Variants in EIF2AK3 observed in about 807,000 individuals in gnomAD.
The protein encoded by EIF2AK3 is eukaryotic translation initiation factor 2 alpha kinase 3, also known as eukaryotic translation initiation factor 2-alpha kinase 3.
In EIF2AK3, 50 loss-of-function variants were observed where a neutral mutation model predicts 113.5. That is an observed-to-expected ratio of 0.44 (90% CI 0.35 to 0.56). EIF2AK3 has a LOEUF of 0.56. Among genes scored for constraint, EIF2AK3 ranks in the 20% least tolerant of loss-of-function variants. The pLI is 0.00. For missense variants in EIF2AK3, 1,185 were observed against 1,378.0 expected, an observed-to-expected ratio of 0.86 and a Z score of 2.22; for synonymous variants, 448 against 495.4, an observed-to-expected ratio of 0.90 and a Z score of 1.27.
chr2:88,605,972 G>C (rs1447610926), intron 2 of EIF2AK3, among the ~76,000 whole-genome samples: 1 of 152,104 alleles, frequency 6.6e-6, no homozygotes, highest in Non-Finnish European at 1.5e-5. Context: ...GCAGATCCGG[G>C]TATTAGTCAG....
At chr2:88,581,143 A>G (rs1056175198) in intron 10 of EIF2AK3, among the ~76,000 whole-genome samples, 22 of 151,640 alleles carry the variant, frequency 1.5e-4, no homozygotes, top group African/African-American at 5.1e-4. Context: ...TGCAGAGTTC[A>G]TGTTCTTAAC....
At position 88,604,389 on chromosome 2, in the gene EIF2AK3, A is replaced by T. The variant is rs149593524; in HGVS notation, c.439-8726T>A. ...GATAGGCTATTTCCTCTCCCAGCAT[A>T]ATCCTCCCCCTCCTCTCTATCCATC... On this transcript the variant is annotated intron_variant, in intron 2 of 16. Coordinates refer to ENST00000303236, the MANE Select transcript of EIF2AK3 (RefSeq NM_004836.7). Among the ~76,000 whole-genome samples, 63 of 152,156 alleles carry T rather than the reference A, an allele frequency of 4.1e-4. No individual in the cohort carries two copies. The East Asian group carries it at 0.011, about 26-fold the overall frequency.
intron 15 of EIF2AK3, among the ~76,000 whole-genome samples, chr2:88,560,976 T>C (rs1193754179): frequency 6.6e-6 from 1 of 152,198 alleles, no homozygotes; most frequent in East Asian, 1.9e-4. Context: ...TAGCTACTTA[T>C]GAAAGATAGG....
intron 2 of EIF2AK3, among the ~76,000 whole-genome samples, chr2:88,596,417 GACAA>G (rs1486793193): frequency 1.3e-4 from 20 of 152,206 alleles, no homozygotes; most frequent in African/African-American, 4.6e-4. Flanking sequence ...GGTGTCACGA[GACAA>G]ACAACTTAAT....
chr2:88,587,961 A>C, intron 8 of EIF2AK3, 21 bp downstream of exon 8: 2 of 1,494,354 alleles, frequency 1.3e-6, no homozygotes, highest in Non-Finnish European at 1.8e-6. Context: ...AAAATAAATA[A>C]AACTCAGTAT....
chr2:88,572,044 C>A (rs1573390703), intron 13 of EIF2AK3, among the ~76,000 whole-genome samples: 1 of 152,290 alleles, frequency 6.6e-6, no homozygotes, highest in East Asian at 1.9e-4. Flanking sequence ...AATTGAATTT[C>A]ATCATGTTTC....
At position 88,593,034 on chromosome 2, in the gene EIF2AK3, C is replaced by T. The variant is rs189800881; in HGVS notation, c.767+238G>A. Reference sequence around the variant, plus strand: ...GCACGTGCCTGTAATCCCCGGTACTCGGGAGGCAGAGGCAGGAGATTCGCT... The same window carrying T: ...GCACGTGCCTGTAATCCCCGGTACTTGGGAGGCAGAGGCAGGAGATTCGCT... On this transcript the variant is annotated intron_variant, in intron 4 of 16. Transcript: ENST00000303236. Among the ~76,000 whole-genome samples, 994 of 152,086 alleles carry T rather than the reference C, an allele frequency of 6.5e-3. 16 individuals carry two copies. The highest frequency in any genetic ancestry group is 0.022 in the African/African-American group (931 of 41,444).
Position 88,592,369 on chromosome 2 carries a change from ATAAT to A in EIF2AK3, c.767+899_767+902del, listed in dbSNP as rs538661269. On this transcript the variant is annotated intron_variant, in intron 4 of 16. Coordinates refer to ENST00000303236, the MANE Select transcript of EIF2AK3 (RefSeq NM_004836.7). ...CAAACTATGAAACTACCTACTAGAC[ATAAT>A]TAGAGAGTCAAATAAGTTCAAGCTC... Among the ~76,000 whole-genome samples the A allele has an allele frequency of 7.9e-5, 12 of 151,966 alleles. No homozygotes were observed. In the South Asian group the frequency reaches 1.3e-3, roughly 17 times the overall value.
In EIF2AK3 at chr2:88,595,529, A is replaced by G; in HGVS notation, c.573T>C (p.Asp191=). 1 of 1,614,010 alleles carries G rather than the reference A, an allele frequency of 6.2e-7. No individual in the cohort carries two copies. The highest frequency in any genetic ancestry group is 8.5e-7 in the Non-Finnish European group (1 of 1,179,980). ...GAGATTTTCCTCCAACCAAAACAAC[A>G]TCATCTCCAAATTTATAAGAAGATT... ...LLESSYKFGD[D]VVLVGGKSLT... Residue 191 remains aspartate (D), a synonymous_variant, in exon 3 of 17, where the codon GAT becomes GAC. Transcript: ENST00000303236.
At chr2:88,622,052 A>G (rs1322646075) in intron 1 of EIF2AK3, among the ~76,000 whole-genome samples, 1 of 152,012 alleles carries the variant, frequency 6.6e-6, no homozygotes, top group Non-Finnish European at 1.5e-5. Context: ...GTGTGCCACC[A>G]TGCCTGGCTA....
intron 13 of EIF2AK3, 109 bp downstream of exon 13, chr2:88,574,557 G>A (rs2104409929): frequency 7.4e-7 from 1 of 1,344,244 alleles, no homozygotes; most frequent in Non-Finnish European, 1.0e-6. Flanking sequence ...GCTCTCAGAT[G>A]CTTTTACTCT....
At chr2:88,598,016 G>A (rs969128368) in intron 2 of EIF2AK3, among the ~76,000 whole-genome samples, 2 of 151,464 alleles carry the variant, frequency 1.3e-5, no homozygotes, top group African/African-American at 2.4e-5. Context: ...GTGTAGATGT[G>A]AGATGAGCCT....
chr2:88,574,817 T>A lies in EIF2AK3; in HGVS notation c.2666A>T (p.Gln889Leu). Residue 889 changes from glutamine (Q) to leucine (L), a missense_variant, in exon 13 of 17, where the codon CAG becomes CTG. By Grantham distance (113) the Gln-to-Leu change is moderately radical. Coordinates refer to ENST00000303236, the MANE Select transcript of EIF2AK3 (RefSeq NM_004836.7). ...TTTGAGGTTTTCTTTTCTGCACAGC[T>A]GCATTTGAATGTAAAGATACACCTT... is the stretch of plus-strand genomic sequence containing the variant. ...SPKVYLYIQMQLCRKENLKDW... is the reference protein window; with the variant it reads ...SPKVYLYIQMLLCRKENLKDW... 6.2e-7 allele frequency: 1 copy of A among 1,614,234 alleles called. No homozygotes were observed. The highest frequency in any genetic ancestry group is 8.5e-7 in the Non-Finnish European group (1 of 1,180,036).
At chr2:88,589,651 T>C (rs533345090) in intron 6 of EIF2AK3, among the ~76,000 whole-genome samples, 23 of 149,556 alleles carry the variant, frequency 1.5e-4, no homozygotes, top group Non-Finnish European at 2.8e-4. Flanking sequence ...TAAATAATTA[T>C]ATATGTAATA....
intron 15 of EIF2AK3, among the ~76,000 whole-genome samples, chr2:88,560,131 A>AT (rs565813406): frequency 1.2e-4 from 18 of 151,482 alleles, no homozygotes; most frequent in African/African-American, 1.9e-4. Context: ...TTTTTTTTTA[A>AT]TTTTTTTATT....
chr2:88,595,746 C>T, intron 2 of EIF2AK3, 83 bp from the exon 3 acceptor site: 3 of 1,290,478 alleles, frequency 2.3e-6, no homozygotes, highest in Non-Finnish European at 3.3e-6. Flanking sequence ...ATAGAAGCAT[C>T]ATACCTTTAA....
At position 88,557,051 on chromosome 2, in the gene EIF2AK3, C is replaced by A. The variant is rs532495396; in HGVS notation, c.*685G>T. ...AATATATATGATCCATTTCTTACTACGGCTTTTTTCCTCCCAAAACTAGAC... is the reference window on the plus strand; with the variant it reads ...AATATATATGATCCATTTCTTACTAAGGCTTTTTTCCTCCCAAAACTAGAC... On this transcript the variant is annotated 3_prime_UTR_variant, in exon 17 of 17. Coordinates refer to ENST00000303236, the MANE Select transcript of EIF2AK3 (RefSeq NM_004836.7). 1.3e-5 allele frequency: 2 copies of A among 152,552 alleles called. No homozygotes were observed. The highest frequency in any genetic ancestry group is 2.4e-5 in the African/African-American group (1 of 41,428). 9.4% of individuals were successfully genotyped at this position (152,552 alleles called of 1,614,324 possible). A position where few individuals can be genotyped will look rare whatever the true frequency, so the allele number is the denominator to read the frequency against.
At chr2:88,588,412 A>C (rs1427061663) in intron 7 of EIF2AK3, among the ~76,000 whole-genome samples, 2 of 152,216 alleles carry the variant, frequency 1.3e-5, no homozygotes, top group Non-Finnish European at 2.9e-5. Flanking sequence ...TCAGTCTCAA[A>C]GAATATGATG....
chr2:88,590,560 C>A lies in EIF2AK3; in HGVS notation c.1048G>T (p.Val350Phe). The change falls in exon 6 of 17, where the codon GTC (valine) becomes TTC (phenylalanine). Residue 350 changes from valine (V) to phenylalanine (F), a missense_variant. Physicochemically the swap from Val to Phe is conservative, Grantham distance 50 (BLOSUM62 -1). Coordinates refer to ENST00000303236, the MANE Select transcript of EIF2AK3 (RefSeq NM_004836.7). ...TCATCAAAAAGACTGATGGGAATGACTTTCCCATCCTTAAGTAACCAGGCA... is the reference window on the plus strand; with the variant it reads ...TCATCAAAAAGACTGATGGGAATGAATTTCCCATCCTTAAGTAACCAGGCA... ...ASAWLLKDGK[V>F]IPISLFDDTS... 1 of 1,613,378 alleles carries A rather than the reference C, an allele frequency of 6.2e-7. No individual in the cohort carries two copies. The highest frequency in any genetic ancestry group is 8.5e-7 in the Non-Finnish European group (1 of 1,179,910).
Sources: allele counts gnomAD v4.1 joint callset (sites outside exome capture counted in the v4.1 genomes callset), GRCh38; gene constraint gnomAD v4.1.1; transcripts MANE v1.5; gene names NCBI Gene and HGNC (gene_info 2026-07-23, HGNC 2026-07-21).